CDH9: variants seen among roughly 807,000 people sequenced by gnomAD.
CDH9 encodes the protein cadherin 9, also known as cadherin-9.
Under a neutral mutation model 70.9 loss-of-function variants are expected in CDH9, and 28 were observed. The observed-to-expected ratio is 0.40, with a 90% CI of 0.29 to 0.54. The LOEUF (loss-of-function observed/expected upper bound fraction) is 0.54. Among genes scored for constraint, CDH9 ranks in the 20% least tolerant of loss-of-function variants. The pLI, the probability that CDH9 is intolerant of heterozygous loss-of-function variation, is 0.59. For missense variants in CDH9, 874 were observed against 984.4 expected (o/e 0.89, Z 1.50); for synonymous variants, 409 against 343.1 (o/e 1.19, Z -2.12).
intron 2 of CDH9, among the ~76,000 whole-genome samples, chr5:26,964,460 TTGAC>T (rs912040012): frequency 1.3e-5 from 2 of 152,158 alleles, no homozygotes; most frequent in Non-Finnish European, 2.9e-5. Flanking sequence ...AGTGTGTCGA[TTGAC>T]TGGTAGTAGT....
chr5:26,993,152 TA>T (rs970117028), intron 1 of CDH9, among the ~76,000 whole-genome samples: 4 of 147,776 alleles, frequency 2.7e-5, no homozygotes, highest in Non-Finnish European at 4.5e-5. Flanking sequence ...AGAACGTTGA[TA>T]AAAATATGGA....
At chr5:26,952,817 G>A (rs1286218232) in intron 2 of CDH9, among the ~76,000 whole-genome samples, 1 of 148,756 alleles carries the variant, frequency 6.7e-6, no homozygotes, top group African/African-American at 2.5e-5. Flanking sequence ...TATAAGAAAA[G>A]GAAGAGAGAC....
At chr5:26,968,567 T>TA (rs1358666069) in intron 2 of CDH9, among the ~76,000 whole-genome samples, 1 of 152,148 alleles carries the variant, frequency 6.6e-6, no homozygotes, top group East Asian at 1.9e-4. Context: ...GGTACATTTT[T>TA]AAAAATGAAT....
chr5:26,916,126 C>A (rs753344239), intron 2 of CDH9, among the ~76,000 whole-genome samples: 2 of 151,784 alleles, frequency 1.3e-5, no homozygotes, highest in South Asian at 4.1e-4. Context: ...ATTTAGACAT[C>A]ATAATGGACT....
intron 2 of CDH9, among the ~76,000 whole-genome samples, chr5:26,960,130 A>C (rs948311572): frequency 2.6e-5 from 4 of 152,110 alleles, no homozygotes; most frequent in Admixed American, 6.6e-5. Flanking sequence ...AGACATCCTA[A>C]ATGTTTTCAG....
chr5:26,954,673 C>T (rs1211169546), intron 2 of CDH9, among the ~76,000 whole-genome samples: 2 of 151,744 alleles, frequency 1.3e-5, no homozygotes, highest in Non-Finnish European at 2.9e-5. Flanking sequence ...CGTGAGCCAC[C>T]GCGCCCAGCT....
At chr5:26,959,972 A>C (rs1742007689) in intron 2 of CDH9, among the ~76,000 whole-genome samples, 1 of 152,036 alleles carries the variant, frequency 6.6e-6, no homozygotes, top group African/African-American at 2.4e-5. Flanking sequence ...TTGAAAATGT[A>C]CTAAATTCCA....
chr5:26,994,568 G>GTT (rs551273557), intron 1 of CDH9, among the ~76,000 whole-genome samples: 2 of 147,548 alleles, frequency 1.4e-5, no homozygotes, highest in South Asian at 2.2e-4. Flanking sequence ...TGTTTGTTTT[G>GTT]TTTTTTTTTG....
intron 1 of CDH9, among the ~76,000 whole-genome samples, chr5:27,032,074 T>G (rs1743319275): frequency 6.6e-6 from 1 of 151,806 alleles, no homozygotes; most frequent in South Asian, 2.1e-4. Flanking sequence ...TAACACATAT[T>G]TATATATTTA....
At chr5:27,024,382 T>C (rs1743187710) in intron 1 of CDH9, among the ~76,000 whole-genome samples, 1 of 152,076 alleles carries the variant, frequency 6.6e-6, no homozygotes, top group African/African-American at 2.4e-5. Context: ...TTTGAAAAAA[T>C]GTAGTGTCAC....
At chr5:26,986,856 C>A (rs1046171195) in intron 2 of CDH9, among the ~76,000 whole-genome samples, 5 of 151,820 alleles carry the variant, frequency 3.3e-5, no homozygotes, top group African/African-American at 1.2e-4. Flanking sequence ...AAATAACAGG[C>A]AAAAAGGAAC....
At chr5:27,008,503 A>G (rs1161349034) in intron 1 of CDH9, among the ~76,000 whole-genome samples, 4 of 151,092 alleles carry the variant, frequency 2.6e-5, no homozygotes, top group Non-Finnish European at 3.0e-5. Flanking sequence ...AAAAAAAAGT[A>G]TATGTATAGC....
intron 1 of CDH9, among the ~76,000 whole-genome samples, chr5:27,031,771 T>C (rs921483609): frequency 6.6e-6 from 1 of 151,950 alleles, no homozygotes; most frequent in African/African-American, 2.4e-5. Flanking sequence ...ACTGTGCTAC[T>C]GAGTCTGCTA....
At chr5:26,892,824 A>G (rs1311635056) in intron 7 of CDH9, among the ~76,000 whole-genome samples, 1 of 151,944 alleles carries the variant, frequency 6.6e-6, no homozygotes, top group East Asian at 1.9e-4. Flanking sequence ...TCCGCCTTCC[A>G]GGTTTCCGCC....
chr5:26,969,173 C>G (rs1437647973), intron 2 of CDH9, among the ~76,000 whole-genome samples: 3 of 152,068 alleles, frequency 2.0e-5, no homozygotes, highest in Admixed American at 6.6e-5. Flanking sequence ...TTATCACTAG[C>G]TATTTTATTG....
At chr5:26,917,197 A>G (rs1056619503) in intron 2 of CDH9, among the ~76,000 whole-genome samples, 11 of 152,028 alleles carry the variant, frequency 7.2e-5, no homozygotes, top group Admixed American at 7.2e-4. Flanking sequence ...CTTACATTAT[A>G]AAATTATTAA....
intron 2 of CDH9, among the ~76,000 whole-genome samples, chr5:26,949,646 T>G (rs1741811063): frequency 6.6e-6 from 1 of 152,154 alleles, no homozygotes; most frequent in South Asian, 2.1e-4. Flanking sequence ...ACTGGCCCCA[T>G]TTTTCTAAAT....
chr5:26,999,686 T>C (rs529456666), intron 1 of CDH9, among the ~76,000 whole-genome samples: 1 of 152,016 alleles, frequency 6.6e-6, no homozygotes, highest in African/African-American at 2.4e-5. Flanking sequence ...TGCAAAAAAA[T>C]TGAAAATAAA....
intron 1 of CDH9, among the ~76,000 whole-genome samples, chr5:27,013,082 G>A (rs1052027631): frequency 1.1e-4 from 17 of 151,828 alleles, no homozygotes; most frequent in African/African-American, 3.9e-4. Context: ...TCAATTTGGA[G>A]GTCATTAGAT....
Sources: gnomAD v4.1 joint callset for allele counts (sites outside exome capture counted in the v4.1 genomes callset) on GRCh38, gnomAD v4.1.1 for gene constraint, MANE v1.5 for transcripts, NCBI Gene and HGNC (gene_info 2026-07-23, HGNC 2026-07-21) for gene names.